Variants in CNNM1 observed in about 807,000 individuals in gnomAD.
CNNM1 encodes the protein cyclin and CBS domain divalent metal cation transport mediator 1, also known as metal transporter CNNM1.
CNNM1 carries 44 observed loss-of-function variants against 78.8 expected under a neutral mutation model. That is an observed-to-expected ratio of 0.56 (90% CI 0.44 to 0.72). The LOEUF (loss-of-function observed/expected upper bound fraction) is 0.72, where lower values mean the gene tolerates loss of function less well. Ranked by LOEUF, CNNM1 falls within the 30% of genes least tolerant of loss-of-function variation. The pLI, the probability that CNNM1 is intolerant of heterozygous loss-of-function variation, is 0.00. For missense variants in CNNM1, 1,101 were observed against 1,292.2 expected (o/e 0.85, Z 2.27); for synonymous variants, 584 against 581.5 (o/e 1.00, Z -0.06).
chr10:99,356,534 A>AGAC (rs1589898957), intron 1 of CNNM1, among the ~76,000 whole-genome samples: 2 of 84,288 alleles, frequency 2.4e-5, no homozygotes, highest in Non-Finnish European at 5.2e-5. Flanking sequence ...GAAAGAAAGA[A>AGAC]AGAAAGACAG....
intron 7 of CNNM1, among the ~76,000 whole-genome samples, chr10:99,385,934 T>C (rs2032290835): frequency 6.6e-6 from 1 of 152,176 alleles, no homozygotes; most frequent in South Asian, 2.1e-4. Context: ...GCTTACCAAG[T>C]GTCATTTAGG....
At chr10:99,331,428 T>C (rs534346320) in intron 1 of CNNM1, among the ~76,000 whole-genome samples, 2 of 152,310 alleles carry the variant, frequency 1.3e-5, no homozygotes, top group Non-Finnish European at 1.5e-5. Flanking sequence ...TGGCTGACAA[T>C]GTTTCCTCAT....
intron 1 of CNNM1, among the ~76,000 whole-genome samples, chr10:99,349,727 G>A (rs901422649): frequency 5.3e-5 from 8 of 152,162 alleles, no homozygotes; most frequent in East Asian, 3.9e-4. Context: ...TGGGCCGGGC[G>A]CAGTGGCTCA....
intron 1 of CNNM1, among the ~76,000 whole-genome samples, chr10:99,345,171 C>A (rs530071955): frequency 3.0e-4 from 46 of 152,278 alleles, no homozygotes; most frequent in African/African-American, 1.0e-3. Flanking sequence ...TAACAACCCC[C>A]CTTTTGCAGA....
At chr10:99,348,390 C>T (rs1324205416) in intron 1 of CNNM1, among the ~76,000 whole-genome samples, 1 of 152,144 alleles carries the variant, frequency 6.6e-6, no homozygotes, top group East Asian at 1.9e-4. Context: ...TTATCTCTTA[C>T]CTCTACTTAC....
chr10:99,391,645 T>G lies in CNNM1; in HGVS notation c.*129T>G. ...AATGTTCTGCCTTCCCTTCCATCTCTTCACCCCTAGCTGTCAGTTTGGCAG... is the reference window on the plus strand; with the variant it reads ...AATGTTCTGCCTTCCCTTCCATCTCGTCACCCCTAGCTGTCAGTTTGGCAG... On this transcript the variant is annotated 3_prime_UTR_variant, in exon 11 of 11. Coordinates refer to ENST00000356713, the MANE Select transcript of CNNM1 (RefSeq NM_020348.3). 2.7e-6 allele frequency: 2 copies of G among 737,052 alleles called. No homozygotes were observed. Among genetic ancestry groups the G allele is most frequent in the Non-Finnish European group, 4.5e-6 (2 of 444,350 alleles). 45.7% of individuals were successfully genotyped at this position (737,052 alleles called of 1,614,324 possible).
chr10:99,370,662 G>A (rs546096710), intron 6 of CNNM1, among the ~76,000 whole-genome samples: 11 of 152,176 alleles, frequency 7.2e-5, no homozygotes, highest in African/African-American at 2.2e-4. Context: ...GTGCTCGATC[G>A]TCCATTCATA....
chr10:99,343,733 G>A (rs2030555427), intron 1 of CNNM1, among the ~76,000 whole-genome samples: 2 of 151,802 alleles, frequency 1.3e-5, no homozygotes, highest in South Asian at 2.1e-4. Flanking sequence ...TTTTTGTTTT[G>A]AGATGGAGTC....
At chr10:99,338,806 T>G (rs2030313948) in intron 1 of CNNM1, among the ~76,000 whole-genome samples, 1 of 152,218 alleles carries the variant, frequency 6.6e-6, no homozygotes, top group Non-Finnish European at 1.5e-5. Context: ...AAGCCCATTG[T>G]CCTGCCATCA....
intron 1 of CNNM1, among the ~76,000 whole-genome samples, chr10:99,356,963 GC>G (rs1227535761): frequency 1.3e-5 from 2 of 152,030 alleles, no homozygotes; most frequent in Admixed American, 6.6e-5. Flanking sequence ...GTAGTCACAA[GC>G]CCCCCCAGAT....
intron 7 of CNNM1, chr10:99,377,476 G>C (rs1275471463): frequency 3.1e-6 from 1 of 322,432 alleles, no homozygotes; most frequent in Non-Finnish European, 5.6e-6. Flanking sequence ...CAAAGCAATA[G>C]ATTAGCTTGC....
In CNNM1 at chr10:99,329,984, C is replaced by T. The variant is rs1390091394; in HGVS notation, c.597C>T (p.Ala199=). The part of the protein sequence containing the change: ...WDGRAWHHHG[A]AGGFLLRVRP... ...GGCGCGCGTGGCACCACCACGGCGC[C>T]GCCGGCGGCTTCCTGCTGCGCGTTC... The change falls in exon 1 of 11, where the codon GCC becomes GCT. Residue 199 remains alanine (A), a synonymous_variant. Transcript: ENST00000356713. 2 of 1,390,018 alleles carry T rather than the reference C, an allele frequency of 1.4e-6. No homozygotes were observed. The highest frequency in any genetic ancestry group is 1.8e-6 in the Non-Finnish European group (2 of 1,083,654). The allele number at this position is 1,390,018 out of a possible 1,614,324, so 86.1% of individuals were successfully genotyped here. A position where few individuals can be genotyped will look rare whatever the true frequency, so the allele number is the denominator to read the frequency against.
chr10:99,368,313 A>C, intron 6 of CNNM1: 1 of 263,320 alleles, frequency 3.8e-6, no homozygotes, highest in South Asian at 4.1e-5. Flanking sequence ...GCCTCAGAGA[A>C]TGCTGCCTAC....
At chr10:99,378,823 G>C (rs1353315559) in intron 7 of CNNM1, among the ~76,000 whole-genome samples, 1 of 152,196 alleles carries the variant, frequency 6.6e-6, no homozygotes, top group Non-Finnish European at 1.5e-5. Context: ...TCTGCCTCCA[G>C]AATCCAAGCC....
Position 99,330,492 on chromosome 10 carries a change from G to A in CNNM1, c.1105G>A (p.Ala369Thr), listed in dbSNP as rs1181296195. 1.3e-6 allele frequency: 2 copies of A among 1,583,110 alleles called. No individual in the cohort carries two copies. The highest frequency in any genetic ancestry group is 8.6e-7 in the Non-Finnish European group (1 of 1,165,416). Residue 369 changes from alanine (A) to threonine (T), a missense_variant, in exon 1 of 11, where the codon GCC (alanine) becomes ACC (threonine). Ala to Thr is a moderately conservative substitution (Grantham distance 58, BLOSUM62 0). This residue lies in a region of CNNM1 where 277 missense variants were observed against 423.2 expected (regional missense o/e 0.65). Coordinates refer to ENST00000356713, the MANE Select transcript of CNNM1 (RefSeq NM_020348.3). ...VCLTRLLMAA[A>T]FPVCYPLGRL... ...CCTGACCCGGCTTCTGATGGCAGCC[G>A]CCTTCCCCGTGTGCTACCCGCTGGG...
chr10:99,344,487 A>G (rs1343304225), intron 1 of CNNM1, among the ~76,000 whole-genome samples: 3 of 152,190 alleles, frequency 2.0e-5, no homozygotes, highest in South Asian at 2.1e-4. Context: ...ACAGTTAGTC[A>G]TCTTGTATAA....
At chr10:99,348,950 G>A (rs899753731) in intron 1 of CNNM1, among the ~76,000 whole-genome samples, 2 of 152,140 alleles carry the variant, frequency 1.3e-5, no homozygotes, top group Non-Finnish European at 2.9e-5. Flanking sequence ...TGAGTCTGTT[G>A]TCTTAGCTAC....
At chr10:99,331,170 T>C (rs1230469544) in intron 1 of CNNM1, among the ~76,000 whole-genome samples, 2 of 152,184 alleles carry the variant, frequency 1.3e-5, no homozygotes, top group Admixed American at 6.5e-5. Context: ...CTCTTTCCTC[T>C]CTACTTGATT....
chr10:99,335,443 G>A (rs1303272471), intron 1 of CNNM1, among the ~76,000 whole-genome samples: 2 of 152,192 alleles, frequency 1.3e-5, no homozygotes, highest in Non-Finnish European at 2.9e-5. Flanking sequence ...GACAAGTATA[G>A]TGACCGCCAT....
Sources: allele counts gnomAD v4.1 joint callset (sites outside exome capture counted in the v4.1 genomes callset), GRCh38; gene constraint gnomAD v4.1.1; regional missense constraint gnomAD v4.1.1; transcripts MANE v1.5; gene names NCBI Gene and HGNC (gene_info 2026-07-23, HGNC 2026-07-21).